The following PPP4R4 variants were observed in gnomAD, a reference collection of about 807,000 sequenced individuals.
PPP4R4 encodes protein phosphatase 4 regulatory subunit 4.
Under a neutral mutation model 121.8 loss-of-function variants are expected in PPP4R4, and 70 were observed. That is an observed-to-expected ratio of 0.57 (90% CI 0.47 to 0.70). The LOEUF (loss-of-function observed/expected upper bound fraction) is 0.70. PPP4R4 is among the 30% of genes least tolerant of loss of function. The probability of loss-of-function intolerance (pLI) is 0.00; values close to 1 mark genes in which losing one functional copy is unlikely to be tolerated. For synonymous variants in PPP4R4, 348 were observed against 355.7 expected, an observed-to-expected ratio of 0.98 and a Z score of 0.24; for missense variants, 875 against 1,033.6, an observed-to-expected ratio of 0.85 and a Z score of 2.10.
At chr14:94,215,028 C>T (rs1168961719) in intron 3 of PPP4R4, among the ~76,000 whole-genome samples, 1 of 152,080 alleles carries the variant, frequency 6.6e-6, no homozygotes, top group Non-Finnish European at 1.5e-5. Flanking sequence ...TATGAATATG[C>T]AAATATTCCA....
intron 9 of PPP4R4, 97 bp downstream of exon 9, chr14:94,240,892 C>G (rs1273380052): frequency 7.4e-7 from 1 of 1,344,828 alleles, no homozygotes. Flanking sequence ...AATTGTAAAG[C>G]CTAACTCTTA....
chr14:94,235,422 G>C, intron 7 of PPP4R4, among the ~76,000 whole-genome samples: 2 of 123,922 alleles, frequency 1.6e-5, no homozygotes, highest in Admixed American at 8.3e-5. Flanking sequence ...TTTTTTGAGA[G>C]GGAGTCTCAC....
chr14:94,205,776 C>T (rs986798227), intron 2 of PPP4R4, among the ~76,000 whole-genome samples: 1 of 151,832 alleles, frequency 6.6e-6, no homozygotes, highest in Admixed American at 6.6e-5. Flanking sequence ...TGTTTAGTTT[C>T]CAAGAGTTGG....
rs565695416 is a variant in PPP4R4, at chr14:94,268,108, C to T, written c.2449+1079C>T. 7.4e-4 allele frequency among the ~76,000 whole-genome samples: 113 copies of T among 152,300 alleles called. 1 individual carries two copies. In the South Asian group the frequency reaches 0.023, roughly 31 times the overall value. ...ATAAAACCATTGATTACTTTCAGCT[C>T]AGTAAAGCTGTGAATTCTTTAGGAG... On this transcript the variant is annotated intron_variant, in intron 23 of 24. Transcript: ENST00000304338.
chr14:94,234,622 T>G lies in PPP4R4; in HGVS notation c.684T>G (p.Val228=). ...TCTGTCAAGATGTAGAATATGAAGT[T>G]CGATCTTGTATGTGTCGGCAATTAG... ...KSLCQDVEYE[V]RSCMCRQLEN... is the part of the protein sequence containing the mutation. Residue 228 remains valine, a synonymous_variant, in exon 7 of 25, where the codon GTT becomes GTG. Transcript: ENST00000304338. 1 of 1,609,788 alleles carries G rather than the reference T, an allele frequency of 6.2e-7. No individual in the cohort carries two copies. Among genetic ancestry groups the G allele is most frequent in the Non-Finnish European group, 8.5e-7 (1 of 1,176,344 alleles).
chr14:94,233,579 T>C (rs1460892220), intron 5 of PPP4R4, 74 bp from the exon 6 acceptor site: 5 of 915,146 alleles, frequency 5.5e-6, no homozygotes, highest in Non-Finnish European at 8.6e-6. Flanking sequence ...TAAAATACTC[T>C]GAAGGAATAG....
At chr14:94,209,613 C>T (rs1890637870) in intron 3 of PPP4R4, among the ~76,000 whole-genome samples, 1 of 151,966 alleles carries the variant, frequency 6.6e-6, no homozygotes, top group Non-Finnish European at 1.5e-5. Flanking sequence ...ATCTGTTTTT[C>T]CCAGAATCAT....
At chr14:94,257,673 A>ACACACACACACACG (rs1305982965) in intron 17 of PPP4R4, among the ~76,000 whole-genome samples, 5 of 148,730 alleles carry the variant, frequency 3.4e-5, no homozygotes, top group African/African-American at 1.2e-4. Context: ...ACACACACAC[A>ACACACACACACACG]CACTTGTTTC....
chr14:94,251,650 G>A (rs1893183821), intron 15 of PPP4R4, 99 bp from the exon 16 acceptor site: 5 of 902,398 alleles, frequency 5.5e-6, no homozygotes, highest in Non-Finnish European at 8.1e-6. Flanking sequence ...CAAATTGTGG[G>A]TATGAAGAAA....
At chr14:94,239,382 T>C (rs191674845) in intron 8 of PPP4R4, among the ~76,000 whole-genome samples, 5 of 123,682 alleles carry the variant, frequency 4.0e-5, no homozygotes, top group South Asian at 5.3e-4. Context: ...CGGTGTTCGA[T>C]GTTCCCCACC....
chr14:94,263,157 A>G (rs1218441843), intron 19 of PPP4R4, among the ~76,000 whole-genome samples: 1 of 152,086 alleles, frequency 6.6e-6, no homozygotes, highest in Admixed American at 6.6e-5. Flanking sequence ...AATGTATATC[A>G]TTCCCCAAAT....
intron 1 of PPP4R4, among the ~76,000 whole-genome samples, chr14:94,174,820 G>A (rs1888576827): frequency 6.6e-6 from 1 of 151,988 alleles, no homozygotes; most frequent in Admixed American, 6.6e-5. Context: ...ATCCCCAAGG[G>A]ACGGGTCCCT....
chr14:94,176,503 TCTA>T (rs1888687496), intron 2 of PPP4R4, among the ~76,000 whole-genome samples: 1 of 152,280 alleles, frequency 6.6e-6, no homozygotes, highest in East Asian at 1.9e-4. Flanking sequence ...TTATACGGGA[TCTA>T]CTATACGGAA....
chr14:94,266,786 A>G (rs577888338), intron 22 of PPP4R4, among the ~76,000 whole-genome samples, 173 bp from the exon 23 acceptor site: 6 of 152,310 alleles, frequency 3.9e-5, no homozygotes, highest in Non-Finnish European at 7.4e-5. Context: ...CAAGTTATAG[A>G]CGAAGTAAGT....
intron 17 of PPP4R4, among the ~76,000 whole-genome samples, chr14:94,257,582 ATTC>A (rs1251918917): frequency 6.6e-6 from 1 of 151,470 alleles, no homozygotes; most frequent in Non-Finnish European, 1.5e-5. Flanking sequence ...TGAAATGTGA[ATTC>A]TTCTTTCATT....
intron 17 of PPP4R4, among the ~76,000 whole-genome samples, chr14:94,257,642 T>TGCACACACACAC (rs10528485): frequency 6.8e-6 from 1 of 146,882 alleles, no homozygotes; most frequent in Admixed American, 6.8e-5. Context: ...CATTTAAATC[T>TGCACACACACAC]ACACACACAC....
intron 8 of PPP4R4, among the ~76,000 whole-genome samples, chr14:94,239,262 A>G (rs1412977446): frequency 2.0e-5 from 3 of 149,936 alleles, no homozygotes; most frequent in East Asian, 2.0e-4. Flanking sequence ...GGTTTGTTAC[A>G]TATGTATACA....
intron 2 of PPP4R4, among the ~76,000 whole-genome samples, chr14:94,177,486 T>C (rs1335352446): frequency 6.6e-6 from 1 of 152,138 alleles, no homozygotes; most frequent in Non-Finnish European, 1.5e-5. Flanking sequence ...AACATTTGCC[T>C]TTTCCCACAG....
intron 4 of PPP4R4, 93 bp downstream of exon 4, chr14:94,230,827 T>A: frequency 7.3e-7 from 1 of 1,375,210 alleles, no homozygotes. Flanking sequence ...CTGATGAGGA[T>A]AACTGAGTAA....
Sources: gnomAD v4.1 joint callset for allele counts (sites outside exome capture counted in the v4.1 genomes callset) on GRCh38, gnomAD v4.1.1 for gene constraint, MANE v1.5 for transcripts, NCBI Gene and HGNC (gene_info 2026-07-23, HGNC 2026-07-21) for gene names.